The following HP1BP3 variants were observed in gnomAD, a reference collection of about 807,000 sequenced individuals.
HP1BP3 encodes heterochromatin protein 1-binding protein 3.
HP1BP3 carries 12 observed loss-of-function variants against 62.5 expected under a neutral mutation model. That is an observed-to-expected ratio of 0.19 (90% CI 0.12 to 0.31). The LOEUF is 0.31. HP1BP3 is among the 10% of genes least tolerant of loss of function. The probability of loss-of-function intolerance (pLI) is 1.00; values close to 1 mark genes in which losing one functional copy is unlikely to be tolerated. For synonymous variants in HP1BP3, 260 were observed against 237.8 expected, an observed-to-expected ratio of 1.09 and a Z score of -0.86; for missense variants, 502 against 651.8, an observed-to-expected ratio of 0.77 and a Z score of 2.50.
intron 11 of HP1BP3, among the ~76,000 whole-genome samples, chr1:20,746,102 C>G (rs539990698): frequency 6.6e-6 from 1 of 151,602 alleles, no homozygotes; most frequent in Non-Finnish European, 1.5e-5. Context: ...CGGCAAGGAT[C>G]TCCTAAACTC....
At chr1:20,779,459 GTCTAT>G (rs1330277142) in intron 3 of HP1BP3, among the ~76,000 whole-genome samples, 2 of 152,072 alleles carry the variant, frequency 1.3e-5, no homozygotes, top group Non-Finnish European at 2.9e-5. Flanking sequence ...ACCTTCCACT[GTCTAT>G]TCTAAAGGCC....
At chr1:20,747,704 A>G (rs1392985354) in intron 10 of HP1BP3, 49 bp from the exon 11 acceptor site, 11 of 1,168,952 alleles carry the variant, frequency 9.4e-6, no homozygotes, top group East Asian at 4.7e-5. Flanking sequence ...TTCAGATTAG[A>G]TAATTCCCTC....
At chr1:20,768,653 A>G (rs750608212) in intron 6 of HP1BP3, among the ~76,000 whole-genome samples, 3 of 152,024 alleles carry the variant, frequency 2.0e-5, no homozygotes, top group Non-Finnish European at 2.9e-5. Flanking sequence ...CAGCCTGGCC[A>G]ATGTGGTAAA....
chr1:20,784,643 A>AT (rs2057735863), intron 1 of HP1BP3, among the ~76,000 whole-genome samples: 1 of 151,394 alleles, frequency 6.6e-6, no homozygotes, highest in African/African-American at 2.4e-5. Context: ...CACCCAGCTA[A>AT]TTTTTTGTAT....
At chr1:20,785,912 T>C (rs1024003630) in intron 1 of HP1BP3, among the ~76,000 whole-genome samples, 2 of 152,258 alleles carry the variant, frequency 1.3e-5, no homozygotes, top group Non-Finnish European at 2.9e-5. Flanking sequence ...AAAATGACAC[T>C]AGTCACCTCT....
intron 4 of HP1BP3, chr1:20,773,932 G>C (rs1439790334): frequency 5.8e-6 from 1 of 172,426 alleles, no homozygotes; most frequent in African/African-American, 2.4e-5. Context: ...ATGCAATATG[G>C]TATAGTGGAA....
chr1:20,750,108 T>A (rs2055615841), intron 9 of HP1BP3: 1 of 775,074 alleles, frequency 1.3e-6, no homozygotes, highest in African/African-American at 1.8e-5. Context: ...CTACCCTCCA[T>A]CCACCCTAAA....
In HP1BP3 at chr1:20,772,492, A is replaced by G. The variant is rs147923978; in HGVS notation, c.510+959T>C. Among the ~76,000 whole-genome samples, 791 of 150,274 alleles carry G rather than the reference A, an allele frequency of 5.3e-3. 1 individual carries two copies. The highest frequency in any genetic ancestry group is 0.025 in the South Asian group (121 of 4,826). On this transcript the variant is annotated intron_variant, in intron 5 of 12. Transcript: ENST00000438032. ...CTACAGTGAGGTAATCTAGACCAAT[A>G]AAGTTTTCTTAATGAGGTGAGAGCA...
In HP1BP3 at chr1:20,747,533, T is replaced by G; in HGVS notation, c.1253+11A>C. The stretch of plus-strand genomic sequence containing the variant: ...AAATTTACAGTGATCTATTATAGGC[T>G]AAGTACTTACCTGGGATAATAGGGA... On this transcript the variant is annotated intron_variant, in intron 11 of 12. Coordinates refer to ENST00000438032, the MANE Select transcript of HP1BP3 (RefSeq NM_001372052.1). 1 of 1,504,706 alleles carries G rather than the reference T, an allele frequency of 6.6e-7. No homozygotes were observed. Among genetic ancestry groups the G allele is most frequent in the South Asian group, 1.1e-5 (1 of 87,784 alleles). 93.2% of individuals were successfully genotyped at this position (1,504,706 alleles called of 1,614,324 possible). A position where few individuals can be genotyped will look rare whatever the true frequency, so the allele number is the denominator to read the frequency against.
intron 8 of HP1BP3, among the ~76,000 whole-genome samples, chr1:20,760,540 T>TG (rs985121479): frequency 1.4e-5 from 2 of 144,610 alleles, no homozygotes; most frequent in Admixed American, 6.9e-5. Flanking sequence ...GACCCCAGCT[T>TG]GGAAAAAAAA....
At chr1:20,763,309 T>C (rs1408443133) in intron 8 of HP1BP3, among the ~76,000 whole-genome samples, 1 of 152,346 alleles carries the variant, frequency 6.6e-6, no homozygotes, top group Non-Finnish European at 1.5e-5. Flanking sequence ...TGATCCACAA[T>C]TGTGTCTGCC....
At chr1:20,759,624 G>A (rs1221995653) in intron 8 of HP1BP3, among the ~76,000 whole-genome samples, 1 of 152,166 alleles carries the variant, frequency 6.6e-6, no homozygotes, top group East Asian at 1.9e-4. Flanking sequence ...CTGCACAACT[G>A]TGAGAAATAC....
At chr1:20,776,553 A>C (rs774729961) in intron 4 of HP1BP3, 44 bp downstream of exon 4, 1 of 1,541,072 alleles carries the variant, frequency 6.5e-7, no homozygotes, top group Admixed American at 1.8e-5. Flanking sequence ...AAGTCCTTTT[A>C]CACATTCTTC....
rs774766737 is a variant in HP1BP3, at chr1:20,773,601, A to C, written c.360T>G (p.Asp120Glu). Residue 120 changes from aspartate to glutamate, a missense_variant, in exon 5 of 13, where the codon GAT (aspartate) becomes GAG (glutamate). Asp to Glu is a conservative substitution (Grantham distance 45). This residue lies in a region of HP1BP3 where 165 missense variants were observed against 156.4 expected (regional missense o/e 1.05). Transcript: ENST00000438032. ...SSEETKKDEK[D>E]QSKEKEKKVK... The stretch of plus-strand genomic sequence containing the variant: ...CTTTCTTCTCCTTTTCTTTAGACTG[A>C]TCTTTCTCACTTTAAAACAAAGAAT... 1 of 1,597,312 alleles carries C rather than the reference A, an allele frequency of 6.3e-7. No individual in the cohort carries two copies. The highest frequency in any genetic ancestry group is 8.5e-7 in the Non-Finnish European group (1 of 1,170,572).
chr1:20,753,233 C>T (rs1470711469), intron 9 of HP1BP3, among the ~76,000 whole-genome samples: 3 of 152,140 alleles, frequency 2.0e-5, no homozygotes, highest in African/African-American at 7.2e-5. Context: ...TGAGCCACCG[C>T]GCCTGACCTG....
rs1020350111 is a variant in HP1BP3 at position 20,776,031 on chromosome 1, A to C, written c.350+566T>G. On this transcript the variant is annotated intron_variant, in intron 4 of 12. Coordinates refer to ENST00000438032, the MANE Select transcript of HP1BP3 (RefSeq NM_001372052.1). ...CTGCAAAAAAAAAAAAAAAAAAATT[A>C]AAAATTAAAAAGTAACTGCCATCAC... The C allele has an allele frequency of 5.5e-6, 8 of 1,448,880 alleles. No individual in the cohort carries two copies. The African/African-American group carries it at 1.2e-4, about 21-fold the overall frequency. The allele number at this position is 1,448,880 out of a possible 1,614,324, so 89.8% of individuals were successfully genotyped here.
chr1:20,762,606 C>T (rs1473002083), intron 8 of HP1BP3, among the ~76,000 whole-genome samples: 2 of 152,128 alleles, frequency 1.3e-5, no homozygotes, highest in Admixed American at 6.6e-5. Flanking sequence ...TATCTGATTG[C>T]CTCCTTTGAA....
intron 1 of HP1BP3, among the ~76,000 whole-genome samples, chr1:20,782,924 A>AG (rs2057637588): frequency 6.7e-6 from 1 of 150,342 alleles, no homozygotes; most frequent in African/African-American, 2.4e-5. Flanking sequence ...AAAAAAAAAA[A>AG]AAAGAAAGAA....
At chr1:20,747,746 C>G (rs545903164) in intron 10 of HP1BP3, 91 bp from the exon 11 acceptor site, 1 of 725,968 alleles carries the variant, frequency 1.4e-6, no homozygotes, top group East Asian at 2.6e-5. Flanking sequence ...AATTTAATAT[C>G]CTGTCACATA....
Sources: allele counts gnomAD v4.1 joint callset (sites outside exome capture counted in the v4.1 genomes callset), GRCh38; gene constraint gnomAD v4.1.1; regional missense constraint gnomAD v4.1.1; transcripts MANE v1.5; gene names NCBI Gene and HGNC (gene_info 2026-07-23, HGNC 2026-07-21).